Variants in CELF2 observed in about 807,000 individuals in gnomAD.
The protein encoded by CELF2 is CUG triplet repeat RNA-binding protein 2.
CELF2 carries 8 observed loss-of-function variants against 62.6 expected under a neutral mutation model. The observed-to-expected ratio is 0.13, with a 90% CI of 0.07 to 0.23. CELF2 has a LOEUF of 0.23. Among genes scored for constraint, CELF2 ranks in the 10% least tolerant of loss-of-function variants. CELF2 has a pLI of 1.00. For missense variants in CELF2, 333 were observed against 671.0 expected, an observed-to-expected ratio of 0.50 and a Z score of 5.56; for synonymous variants, 258 against 250.0, an observed-to-expected ratio of 1.03 and a Z score of -0.30.
chr10:11,273,975 C>CA (rs2084964215), intron 7 of CELF2, among the ~76,000 whole-genome samples: 1 of 144,340 alleles, frequency 6.9e-6, no homozygotes, highest in African/African-American at 2.7e-5. Flanking sequence ...CCCACCCCCC[C>CA]CCCCCACCTT....
chr10:11,231,667 C>T (rs1415194926), intron 3 of CELF2, among the ~76,000 whole-genome samples: 2 of 148,680 alleles, frequency 1.3e-5, no homozygotes, highest in African/African-American at 4.9e-5. Flanking sequence ...ATCCTGTTTA[C>T]TTAGTTTGTA....
chr10:10,631,673 T>C, the CELF2 span, among the ~76,000 whole-genome samples: 1 of 152,242 alleles, frequency 6.6e-6, no homozygotes, highest in African/African-American at 2.4e-5. Context: ...ACTGGACGTT[T>C]TCTTCTTTGG....
chr10:11,222,963 C>A (rs1050733743), intron 3 of CELF2, among the ~76,000 whole-genome samples: 3 of 152,204 alleles, frequency 2.0e-5, no homozygotes, highest in Admixed American at 6.5e-5. Context: ...CTGTGGATGT[C>A]AGTCCAAATA....
chr10:10,909,207 G>A, intron 1 of CELF2, among the ~76,000 whole-genome samples: 1 of 152,306 alleles, frequency 6.6e-6, no homozygotes. Context: ...CTGTCCTTTT[G>A]ACTGAGGTCA....
At chr10:11,253,131 G>A (rs1045135099) in intron 4 of CELF2, among the ~76,000 whole-genome samples, 6 of 152,172 alleles carry the variant, frequency 3.9e-5, no homozygotes, top group Non-Finnish European at 5.9e-5. Flanking sequence ...TGGTCTCAGA[G>A]GCTGGAGCTG....
chr10:11,205,650 A>G (rs1040536367), intron 2 of CELF2, among the ~76,000 whole-genome samples: 1 of 152,170 alleles, frequency 6.6e-6, no homozygotes, highest in Admixed American at 6.5e-5. Context: ...GCATGAGAAG[A>G]CTATCCAGCA....
chr10:10,582,566 C>T, the CELF2 span, among the ~76,000 whole-genome samples: 1 of 152,106 alleles, frequency 6.6e-6, no homozygotes, highest in Non-Finnish European at 1.5e-5. Flanking sequence ...TTTCCAATTC[C>T]AGTTAACAAC....
chr10:10,715,570 G>C, the CELF2 span, among the ~76,000 whole-genome samples: 1 of 152,018 alleles, frequency 6.6e-6, no homozygotes, highest in South Asian at 2.1e-4. Flanking sequence ...ATAATATTGT[G>C]GGTTCAAATA....
At chr10:10,616,717 T>TGAGA in the CELF2 span, among the ~76,000 whole-genome samples, 223 of 138,772 alleles carry the variant, frequency 1.6e-3, 5 homozygotes, top group African/African-American at 5.9e-3. Context: ...TGTGTGTGTG[T>TGAGA]GTGAGAGAGA....
chr10:11,222,111 A>C (rs971228577), intron 3 of CELF2, among the ~76,000 whole-genome samples: 1 of 151,178 alleles, frequency 6.6e-6, no homozygotes, highest in Non-Finnish European at 1.5e-5. Context: ...TCTGCTCGCC[A>C]TGGAGTTGGC....
chr10:11,079,380 A>G (rs962697074), intron 1 of CELF2, among the ~76,000 whole-genome samples: 2 of 152,188 alleles, frequency 1.3e-5, no homozygotes, highest in Non-Finnish European at 2.9e-5. Flanking sequence ...GAAAATGCAG[A>G]TGGCCCATGG....
At chr10:10,523,143 G>C in the CELF2 span, among the ~76,000 whole-genome samples, 1 of 152,166 alleles carries the variant, frequency 6.6e-6, no homozygotes, top group Non-Finnish European at 1.5e-5. Flanking sequence ...AGTCAAAGGT[G>C]ACCCTACAGA....
chr10:11,033,948 G>C (rs2060552348), intron 1 of CELF2, among the ~76,000 whole-genome samples: 1 of 152,148 alleles, frequency 6.6e-6, no homozygotes, highest in Middle Eastern at 3.2e-3. Context: ...TGTACTACCT[G>C]TTCCCTTTTT....
chr10:10,662,117 A>T, the CELF2 span, among the ~76,000 whole-genome samples: 3 of 152,146 alleles, frequency 2.0e-5, no homozygotes, highest in African/African-American at 7.2e-5. Context: ...CACTGGGTGC[A>T]TGGGAGCACC....
the CELF2 span, among the ~76,000 whole-genome samples, chr10:10,615,294 C>T: frequency 6.6e-6 from 1 of 152,214 alleles, no homozygotes; most frequent in East Asian, 1.9e-4. Flanking sequence ...TCAATACTTG[C>T]AGCCCATTGT....
chr10:11,022,064 G>A (rs1384821590), intron 1 of CELF2, among the ~76,000 whole-genome samples: 1 of 152,160 alleles, frequency 6.6e-6, no homozygotes, highest in Admixed American at 6.5e-5. Flanking sequence ...GGCATTTAAA[G>A]TCTATTTAGA....
chr10:10,470,369 G>T, the CELF2 span, among the ~76,000 whole-genome samples: 1 of 151,484 alleles, frequency 6.6e-6, no homozygotes, highest in South Asian at 2.1e-4. Flanking sequence ...TCCTCTTTTT[G>T]AGTTCTGTAG....
chr10:10,765,312 G>A, the CELF2 span, among the ~76,000 whole-genome samples: 4 of 152,280 alleles, frequency 2.6e-5, no homozygotes, highest in East Asian at 1.9e-4. Context: ...CGCAGGGCAC[G>A]AGGTGAGAGA....
At chr10:11,206,887 A>G (rs1359536393) in intron 2 of CELF2, among the ~76,000 whole-genome samples, 1 of 152,138 alleles carries the variant, frequency 6.6e-6, no homozygotes, top group African/African-American at 2.4e-5. Flanking sequence ...GGCCTGGACA[A>G]ATGCACACGT....
Sources: allele counts gnomAD v4.1 joint callset (sites outside exome capture counted in the v4.1 genomes callset), GRCh38; gene constraint gnomAD v4.1.1; transcripts MANE v1.5; gene names NCBI Gene and HGNC (gene_info 2026-07-23, HGNC 2026-07-21).